Variants in ARID1B observed in about 807,000 individuals in gnomAD.
ARID1B encodes AT-rich interactive domain-containing protein 1B.
A neutral mutation model predicts 212.3 loss-of-function variants in ARID1B; 30 were observed. The ratio of observed to expected loss-of-function variants is 0.14; its 90% CI spans 0.11 to 0.19. The LOEUF (loss-of-function observed/expected upper bound fraction) is 0.19. Among genes scored for constraint, ARID1B ranks in the 10% least tolerant of loss-of-function variants. The pLI, the probability that ARID1B is intolerant of heterozygous loss-of-function variation, is 1.00. For missense variants in ARID1B, 2,891 were observed against 3,204.0 expected, an observed-to-expected ratio of 0.90 and a Z score of 2.36; for synonymous variants, 1,402 against 1,301.7, an observed-to-expected ratio of 1.08 and a Z score of -1.66.
intron 2 of ARID1B, among the ~76,000 whole-genome samples, chr6:156,898,227 C>T (rs763534193): frequency 2.0e-5 from 3 of 152,040 alleles, no homozygotes; most frequent in Non-Finnish European, 4.4e-5. Context: ...TATGAGTTAT[C>T]CTGCATATGG....
At chr6:157,103,698 T>G (rs1368431394) in intron 5 of ARID1B, among the ~76,000 whole-genome samples, 1 of 152,170 alleles carries the variant, frequency 6.6e-6, no homozygotes, top group East Asian at 1.9e-4. Flanking sequence ...TTGGATAAAA[T>G]TCTCCCAAAA....
At chr6:157,155,162 C>A (rs1403979588) in intron 8 of ARID1B, among the ~76,000 whole-genome samples, 1 of 152,122 alleles carries the variant, frequency 6.6e-6, no homozygotes, top group Non-Finnish European at 1.5e-5. Flanking sequence ...CAGAGCCAAG[C>A]GCTTTGTGAG....
intron 2 of ARID1B, among the ~76,000 whole-genome samples, chr6:156,849,931 T>C (rs1416770578): frequency 6.6e-6 from 1 of 151,324 alleles, no homozygotes. Context: ...TGAAACCCAG[T>C]GCTGTCTTTT....
At chr6:157,006,017 T>C (rs1779233464) in intron 4 of ARID1B, among the ~76,000 whole-genome samples, 1 of 152,062 alleles carries the variant, frequency 6.6e-6, no homozygotes, top group African/African-American at 2.4e-5. Flanking sequence ...TTCCTTCTAT[T>C]CCCCTTCTTA....
At chr6:157,095,852 C>CAA (rs5881203) in intron 5 of ARID1B, among the ~76,000 whole-genome samples, 18 of 151,702 alleles carry the variant, frequency 1.2e-4, no homozygotes, top group South Asian at 4.2e-4. Context: ...TGAAAAAAGG[C>CAA]AAAAAAAAGT....
chr6:156,926,946 C>A (rs1261176589), intron 3 of ARID1B, among the ~76,000 whole-genome samples: 1 of 152,166 alleles, frequency 6.6e-6, no homozygotes, highest in East Asian at 1.9e-4. Flanking sequence ...TCTCAAAGCA[C>A]TGAGATTACA....
At chr6:156,842,623 A>T (rs1297482568) in intron 2 of ARID1B, among the ~76,000 whole-genome samples, 1 of 152,186 alleles carries the variant, frequency 6.6e-6, no homozygotes, top group East Asian at 1.9e-4. Flanking sequence ...TTGAGTATAT[A>T]CCTAGGAGTA....
intron 2 of ARID1B, among the ~76,000 whole-genome samples, chr6:156,849,437 C>T (rs954300858): frequency 6.6e-6 from 1 of 152,210 alleles, no homozygotes; most frequent in African/African-American, 2.4e-5. Flanking sequence ...AAATAATTTT[C>T]AGGCTATACC....
chr6:157,104,327 A>G (rs958450731), intron 5 of ARID1B, among the ~76,000 whole-genome samples: 1 of 152,232 alleles, frequency 6.6e-6, no homozygotes, highest in African/African-American at 2.4e-5. Context: ...AGGCATTTCC[A>G]CTAAGATCAC....
At chr6:157,005,027 C>CT (rs1779160635) in intron 4 of ARID1B, among the ~76,000 whole-genome samples, 1 of 146,672 alleles carries the variant, frequency 6.8e-6, no homozygotes, top group South Asian at 2.2e-4. Flanking sequence ...ATTCTCCTGT[C>CT]TCAGACTCCT....
rs1778760810 is a variant in ARID1B at position 156,778,022 on chromosome 6, C to A, written c.342C>A (p.Ala114=). The part of the protein sequence containing the change: ...SEAALKEGGS[A]AALSSSSSSS... ...CGGCTCTCAAGGAGGGTGGAAGCGC[C>A]GCCGCGCTGTCCTCCTCCTCCTCCT... The change falls in exon 1 of 20, where the codon GCC becomes GCA. Residue 114 remains alanine (A), a synonymous_variant. Transcript: ENST00000636930. The A allele has an allele frequency of 6.5e-7, 1 of 1,534,052 alleles. No homozygotes were observed. The highest frequency in any genetic ancestry group is 1.2e-5 in the South Asian group (1 of 83,836).
intron 2 of ARID1B, among the ~76,000 whole-genome samples, chr6:156,862,191 C>T (rs931522643): frequency 1.1e-4 from 16 of 152,270 alleles, no homozygotes; most frequent in Middle Eastern, 3.4e-3. Context: ...TTTGGGTCTA[C>T]AGTTACTGTG....
chr6:157,005,686 C>T (rs1295487917), intron 4 of ARID1B, among the ~76,000 whole-genome samples: 1 of 152,128 alleles, frequency 6.6e-6, no homozygotes, highest in East Asian at 1.9e-4. Context: ...TTCTACTCAC[C>T]ACATCCCAAT....
chr6:156,923,649 A>C (rs182028016), intron 3 of ARID1B, among the ~76,000 whole-genome samples: 4 of 151,984 alleles, frequency 2.6e-5, no homozygotes, highest in African/African-American at 9.7e-5. Flanking sequence ...TGCTGTTACT[A>C]CCAACACTGT....
chr6:157,014,552 C>G (rs1779794755), intron 4 of ARID1B, among the ~76,000 whole-genome samples: 1 of 152,146 alleles, frequency 6.6e-6, no homozygotes, highest in Non-Finnish European at 1.5e-5. Flanking sequence ...TAGGTTAAAA[C>G]TTATTTGTAA....
chr6:156,845,301 C>A (rs1030663140), intron 2 of ARID1B, among the ~76,000 whole-genome samples: 1 of 152,170 alleles, frequency 6.6e-6, no homozygotes, highest in African/African-American at 2.4e-5. Context: ...CCTCCTGGCC[C>A]GCTGCGCATT....
chr6:156,862,574 A>G (rs745407127), intron 2 of ARID1B, among the ~76,000 whole-genome samples: 1 of 152,366 alleles, frequency 6.6e-6, no homozygotes, highest in African/African-American at 2.4e-5. Flanking sequence ...CAGCACCGCC[A>G]TGCACTACAG....
chr6:157,161,871 C>A (rs1402317805), intron 8 of ARID1B, among the ~76,000 whole-genome samples: 1 of 152,136 alleles, frequency 6.6e-6, no homozygotes, highest in African/African-American at 2.4e-5. Flanking sequence ...CAGTGACAGT[C>A]CGTATAGAGA....
chr6:156,958,417 C>G (rs561171366), intron 4 of ARID1B, among the ~76,000 whole-genome samples: 3 of 152,298 alleles, frequency 2.0e-5, no homozygotes, highest in South Asian at 4.1e-4. Flanking sequence ...CTTACTCAGT[C>G]TATAAACCTA....
Sources: gnomAD v4.1 joint callset for allele counts (sites outside exome capture counted in the v4.1 genomes callset) on GRCh38, gnomAD v4.1.1 for gene constraint, MANE v1.5 for transcripts, NCBI Gene and HGNC (gene_info 2026-07-23, HGNC 2026-07-21) for gene names.